The following RAD51AP1 variants were observed in gnomAD, a reference collection of about 807,000 sequenced individuals.
RAD51AP1 encodes RAD51 associated protein 1.
In RAD51AP1, 14 loss-of-function variants were observed where a neutral mutation model predicts 34.3. That is an observed-to-expected ratio of 0.41 (90% confidence interval 0.27 to 0.64). The LOEUF (loss-of-function observed/expected upper bound fraction) is 0.64, where lower values mean the gene tolerates loss of function less well. Among genes scored for constraint, RAD51AP1 ranks in the 30% least tolerant of loss-of-function variants. RAD51AP1 has a pLI of 0.33. For missense variants in RAD51AP1, 348 were observed against 386.9 expected (o/e 0.90, Z 0.84); for synonymous variants, 114 against 129.8 (o/e 0.88, Z 0.83).
intron 4 of RAD51AP1, among the ~76,000 whole-genome samples, chr12:4,546,802 A>C (rs1319517495): frequency 6.6e-6 from 1 of 152,182 alleles, no homozygotes; most frequent in Non-Finnish European, 1.5e-5. Context: ...ATTACTTACA[A>C]AGGTCAAAGG....
At position 4,541,834 on chromosome 12, in the gene RAD51AP1, G is replaced by T. The variant is rs1944468589; in HGVS notation, c.18-50G>T. 3.3e-6 allele frequency: 3 copies of T among 908,008 alleles called. No homozygotes were observed. In the Admixed American group the frequency reaches 7.7e-5, roughly 23 times the overall value. 56.2% of individuals were successfully genotyped at this position (908,008 alleles called of 1,614,324 possible). A position where few individuals can be genotyped will look rare whatever the true frequency, so the allele number is the denominator to read the frequency against. ...TTCATTAATAGCCTTAAGTAATAGTGGTGAGAAATTGACATTTGTGTTAAT... is the reference window on the plus strand; with the variant it reads ...TTCATTAATAGCCTTAAGTAATAGTTGTGAGAAATTGACATTTGTGTTAAT... On this transcript the variant is annotated intron_variant, in intron 1 of 8. Transcript: ENST00000352618.
In RAD51AP1 at chr12:4,541,809, T is replaced by C. The variant is rs1944468368; in HGVS notation, c.18-75T>C. 5 of 573,376 alleles carry C rather than the reference T, an allele frequency of 8.7e-6. No homozygotes were observed. The South Asian group carries it at 2.1e-4, about 24-fold the overall frequency. The allele number at this position is 573,376 out of a possible 1,614,324, so 35.5% of individuals were successfully genotyped here. A position where few individuals can be genotyped will look rare whatever the true frequency, so the allele number is the denominator to read the frequency against. On this transcript the variant is annotated intron_variant, in intron 1 of 8. Coordinates refer to ENST00000352618, the MANE Select transcript of RAD51AP1 (RefSeq NM_006479.5). ...AATAATATTAAATAAATAAATAATA[T>C]TCATTAATAGCCTTAAGTAATAGTG...
chr12:4,544,860 A>G (rs1414927158), intron 3 of RAD51AP1, among the ~76,000 whole-genome samples: 2 of 152,232 alleles, frequency 1.3e-5, no homozygotes, highest in Non-Finnish European at 2.9e-5. Context: ...TGTGAGGGCA[A>G]TGCAAATCAA....
At chr12:4,539,778 G>A in intron 1 of RAD51AP1, among the ~76,000 whole-genome samples, 1 of 152,132 alleles carries the variant, frequency 6.6e-6, no homozygotes, top group East Asian at 1.9e-4. Context: ...AATCGTAGGG[G>A]GATTAGGCCA....
At chr12:4,554,682 A>G (rs1217062051) in intron 7 of RAD51AP1, among the ~76,000 whole-genome samples, 1 of 152,256 alleles carries the variant, frequency 6.6e-6, no homozygotes, top group East Asian at 1.9e-4. Flanking sequence ...ATATAATATT[A>G]GAAATGAAAT....
intron 7 of RAD51AP1, 69 bp downstream of exon 7, chr12:4,553,216 A>T: frequency 7.5e-7 from 1 of 1,327,930 alleles, no homozygotes; most frequent in Non-Finnish European, 1.0e-6. Flanking sequence ...TATTTTTCTT[A>T]TTTTTGCCTT....
intron 1 of RAD51AP1, among the ~76,000 whole-genome samples, chr12:4,539,606 G>A (rs573800758): frequency 6.6e-6 from 1 of 152,332 alleles, no homozygotes; most frequent in East Asian, 1.9e-4. Context: ...GAGTGCGAAA[G>A]AGGAAAGCAC....
At chr12:4,548,932 T>G (rs1191080526) in intron 6 of RAD51AP1, 96 bp downstream of exon 6, 1 of 1,370,002 alleles carries the variant, frequency 7.3e-7, no homozygotes, top group Non-Finnish European at 9.9e-7. Context: ...GTTAAACCTT[T>G]GGGGTGTGCA....
intron 8 of RAD51AP1, 129 bp downstream of exon 8, chr12:4,556,631 GGT>G: frequency 9.7e-7 from 1 of 1,032,706 alleles, no homozygotes; most frequent in Non-Finnish European, 1.4e-6. Flanking sequence ...CAAAGTTCCT[GGT>G]TGCTGCATAT....
Position 4,548,856 on chromosome 12 carries a change from G to A in RAD51AP1, c.556+20G>A, listed in dbSNP as rs757596580. On this transcript the variant is annotated intron_variant, in intron 6 of 8. Transcript: ENST00000352618. ...CACCTGGTAGGTTTTATTCTACTTC[G>A]AAATTAATTCTATGGGAATTCAGTC... 15 of 1,601,826 alleles carry A rather than the reference G, an allele frequency of 9.4e-6. No individual in the cohort carries two copies. Among genetic ancestry groups the A allele is most frequent in the East Asian group, 6.7e-5 (3 of 44,828 alleles).
intron 5 of RAD51AP1, 145 bp downstream of exon 5, chr12:4,548,323 T>C: frequency 3.3e-6 from 4 of 1,220,656 alleles, no homozygotes; most frequent in Middle Eastern, 2.8e-4. Flanking sequence ...CTTTGTGTTT[T>C]AGTCTCATTC....
chr12:4,553,287 G>A, intron 7 of RAD51AP1, 140 bp downstream of exon 7: 1 of 672,392 alleles, frequency 1.5e-6, no homozygotes. Flanking sequence ...AGGAAGGTGG[G>A]GTGGGGAAGG....
At chr12:4,556,943 C>T (rs1944586993) in intron 8 of RAD51AP1, among the ~76,000 whole-genome samples, 1 of 152,188 alleles carries the variant, frequency 6.6e-6, no homozygotes, top group Non-Finnish European at 1.5e-5. Context: ...TTAACAAATG[C>T]CCTAGCAAAC....
At chr12:4,545,846 A>T in intron 3 of RAD51AP1, 1 of 1,604,716 alleles carries the variant, frequency 6.2e-7, no homozygotes, top group Non-Finnish European at 8.5e-7. Context: ...AGTGCTTGGT[A>T]AAATATTTGT....
chr12:4,540,752 AAG>A (rs754434454), intron 1 of RAD51AP1, among the ~76,000 whole-genome samples: 5 of 152,320 alleles, frequency 3.3e-5, no homozygotes, highest in East Asian at 3.9e-4. Flanking sequence ...TCTGAAGAGT[AAG>A]AGAGTAATAT....
Position 4,548,840 on chromosome 12 carries a change from G to A in RAD51AP1, c.556+4G>A, listed in dbSNP as rs1944525865. 1.3e-6 allele frequency: 2 copies of A among 1,597,842 alleles called. No homozygotes were observed. Among genetic ancestry groups the A allele is most frequent in the Non-Finnish European group, 1.7e-6 (2 of 1,172,704 alleles). ...ACTGAACCAGACTTTGCACCTGGTAGGTTTTATTCTACTTCGAAATTAATT... is the reference window on the plus strand; with the variant it reads ...ACTGAACCAGACTTTGCACCTGGTAAGTTTTATTCTACTTCGAAATTAATT... On this transcript the variant is annotated splice_donor_region_variant and intron_variant, in intron 6 of 8. Coordinates refer to ENST00000352618, the MANE Select transcript of RAD51AP1 (RefSeq NM_006479.5).
chr12:4,547,997 A>T, intron 4 of RAD51AP1, 95 bp from the exon 5 acceptor site: 1 of 1,249,204 alleles, frequency 8.0e-7, no homozygotes, highest in Non-Finnish European at 1.1e-6. Context: ...TCATTTATTT[A>T]TATCTAAATG....
chr12:4,558,392 G>C (rs534352673), intron 8 of RAD51AP1, among the ~76,000 whole-genome samples: 1 of 152,168 alleles, frequency 6.6e-6, no homozygotes, highest in African/African-American at 2.4e-5. Flanking sequence ...GGAAATAATT[G>C]CGACATTAGG....
rs753187898 is a variant in RAD51AP1 at position 4,541,943 on chromosome 12, GCTT to G, written c.67+14_67+16del. ...CACTCTGACAGTGATGGTAAGTAAA[GCTT>G]CTTATTTTTGTTCTAAAGATTTGGA... On this transcript the variant is annotated intron_variant, in intron 2 of 8. Coordinates refer to ENST00000352618, the MANE Select transcript of RAD51AP1 (RefSeq NM_006479.5). 2.0e-6 allele frequency: 3 copies of G among 1,499,466 alleles called. No homozygotes were observed. The highest frequency in any genetic ancestry group is 1.4e-5 in the South Asian group (1 of 71,156). The allele number at this position is 1,499,466 out of a possible 1,614,324, so 92.9% of individuals were successfully genotyped here. A position where few individuals can be genotyped will look rare whatever the true frequency, so the allele number is the denominator to read the frequency against.
Sources: gnomAD v4.1 joint callset for allele counts (sites outside exome capture counted in the v4.1 genomes callset) on GRCh38, gnomAD v4.1.1 for gene constraint, MANE v1.5 for transcripts, NCBI Gene and HGNC (gene_info 2026-07-23, HGNC 2026-07-21) for gene names.